The following PPP1R21 variants were observed in gnomAD, a reference collection of about 807,000 sequenced individuals.
The protein encoded by PPP1R21 is KLRAQ motif containing 1.
PPP1R21 carries 85 observed loss-of-function variants against 112.8 expected under a neutral mutation model. The observed-to-expected ratio is 0.75, with a 90% confidence interval of 0.63 to 0.90. The LOEUF (loss-of-function observed/expected upper bound fraction) is 0.90. Among genes scored for constraint, PPP1R21 ranks in the 40% least tolerant of loss-of-function variants. PPP1R21 has a pLI of 0.00. For missense variants in PPP1R21, 1,199 were observed against 901.5 expected (o/e 1.33, Z -4.23); for synonymous variants, 381 against 322.3 (o/e 1.18, Z -1.95).
At chr2:48,501,193 C>T (rs1391266840) in intron 17 of PPP1R21, among the ~76,000 whole-genome samples, 2 of 152,180 alleles carry the variant, frequency 1.3e-5, no homozygotes, top group African/African-American at 4.8e-5. Flanking sequence ...ATTCCAACAT[C>T]CATCCAAATA....
At chr2:48,483,157 G>T (rs992681520) in intron 13 of PPP1R21, among the ~76,000 whole-genome samples, 1 of 143,500 alleles carries the variant, frequency 7.0e-6, no homozygotes, top group Non-Finnish European at 1.5e-5. Context: ...TGACGTATAC[G>T]TACTACATTT....
intron 14 of PPP1R21, among the ~76,000 whole-genome samples, chr2:48,490,413 T>C (rs1411827101): frequency 6.6e-6 from 1 of 152,136 alleles, no homozygotes; most frequent in Non-Finnish European, 1.5e-5. Context: ...ATCACAAATA[T>C]TACCAAATGC....
intron 13 of PPP1R21, among the ~76,000 whole-genome samples, chr2:48,480,973 G>C (rs937862225): frequency 2.0e-5 from 3 of 152,106 alleles, no homozygotes; most frequent in Admixed American, 2.0e-4. Context: ...TCTGTGGCTT[G>C]TATTCAATTA....
At chr2:48,497,603 A>T (rs7575998) in intron 16 of PPP1R21, among the ~76,000 whole-genome samples, 85,265 of 151,876 alleles carry the variant, frequency 0.56, 24,239 homozygotes, top group Middle Eastern at 0.7. Flanking sequence ...ATTAGTTTTA[A>T]ATAAATGGCA....
At chr2:48,511,217 AT>A (rs1450422865) in intron 20 of PPP1R21, 122 bp from the exon 21 acceptor site, 12 of 957,086 alleles carry the variant, frequency 1.3e-5, no homozygotes, top group Non-Finnish European at 1.9e-5. Context: ...ATTTTGAAAT[AT>A]ACAGTAAATT....
chr2:48,496,470 GT>G (rs11305363), intron 16 of PPP1R21, among the ~76,000 whole-genome samples: 108,174 of 136,150 alleles, frequency 0.79, 42,858 homozygotes, highest in Non-Finnish European at 0.83. Context: ...TGGGTTTTGG[GT>G]TTTTTTTTTT....
At chr2:48,455,421 GC>G (rs1667678022) in intron 3 of PPP1R21, among the ~76,000 whole-genome samples, 1 of 150,774 alleles carries the variant, frequency 6.6e-6, no homozygotes, top group East Asian at 2.0e-4. Flanking sequence ...GGGATTACAG[GC>G]CTGAGCCACC....
chr2:48,487,730 T>C (rs1669373180), intron 14 of PPP1R21, among the ~76,000 whole-genome samples: 1 of 147,490 alleles, frequency 6.8e-6, no homozygotes. Context: ...CACTGCACCC[T>C]ATCCTGGGTG....
chr2:48,442,077 C>G (rs149712534), intron 1 of PPP1R21, among the ~76,000 whole-genome samples: 435 of 152,312 alleles, frequency 2.9e-3, no homozygotes, highest in Non-Finnish European at 5.6e-3. Flanking sequence ...ATTAGCAAAA[C>G]TTCGTTGCAT....
At chr2:48,502,265 G>A (rs1270664696) in intron 17 of PPP1R21, among the ~76,000 whole-genome samples, 1 of 152,156 alleles carries the variant, frequency 6.6e-6, no homozygotes. Flanking sequence ...GGGGTGGAAA[G>A]GACCTGATAC....
chr2:48,472,016 G>T (rs1234022675), intron 11 of PPP1R21, among the ~76,000 whole-genome samples: 1 of 151,782 alleles, frequency 6.6e-6, no homozygotes, highest in Non-Finnish European at 1.5e-5. Flanking sequence ...GAGGTGGGTG[G>T]ATCACTTGAA....
chr2:48,495,859 CAA>C, intron 16 of PPP1R21, 88 bp downstream of exon 16: 1 of 736,360 alleles, frequency 1.4e-6, no homozygotes. Flanking sequence ...TAGAATGATT[CAA>C]AAGTCTGCAT....
At chr2:48,485,677 T>C (rs143096750) in intron 13 of PPP1R21, among the ~76,000 whole-genome samples, 2,868 of 151,748 alleles carry the variant, frequency 0.019, 41 homozygotes, top group Middle Eastern at 0.038. Context: ...AGTTAAAACA[T>C]CATGATCACT....
intron 14 of PPP1R21, among the ~76,000 whole-genome samples, chr2:48,489,740 T>C (rs886605139): frequency 1.6e-4 from 25 of 152,052 alleles, no homozygotes; most frequent in African/African-American, 6.0e-4. Context: ...TGAAACCCTG[T>C]CTCTACTAAA....
In PPP1R21 at chr2:48,511,321, C is replaced by T. The variant is rs753789059; in HGVS notation, c.2185-19C>T. ...CGACTCGTGGGATGTTGATTTTTGT[C>T]TTTTTCTTTGCTATTTAGGATGAGC... On this transcript the variant is annotated intron_variant, in intron 20 of 21. Transcript: ENST00000294952. 6 of 1,601,222 alleles carry T rather than the reference C, an allele frequency of 3.7e-6. No homozygotes were observed. Among genetic ancestry groups the T allele is most frequent in the Admixed American group, 1.8e-5 (1 of 56,170 alleles).
intron 15 of PPP1R21, among the ~76,000 whole-genome samples, chr2:48,491,505 T>C (rs989255988): frequency 4.6e-5 from 7 of 150,874 alleles, no homozygotes. Flanking sequence ...AATATGTGTA[T>C]GACTTTTTTC....
intron 7 of PPP1R21, among the ~76,000 whole-genome samples, chr2:48,462,117 A>G (rs563866821): frequency 2.6e-5 from 4 of 152,160 alleles, no homozygotes; most frequent in South Asian, 2.1e-4. Flanking sequence ...CCTTGTCTCA[A>G]TCATTAGGTT....
At chr2:48,476,836 C>T (rs1487841777) in intron 12 of PPP1R21, among the ~76,000 whole-genome samples, 8 of 152,072 alleles carry the variant, frequency 5.3e-5, no homozygotes, top group Non-Finnish European at 1.2e-4. Context: ...ATGTATTATA[C>T]ATACAAGTCA....
intron 13 of PPP1R21, among the ~76,000 whole-genome samples, chr2:48,482,850 T>G (rs1042283959): frequency 1.3e-5 from 2 of 152,048 alleles, no homozygotes; most frequent in African/African-American, 2.4e-5. Context: ...ATGTGTGCCG[T>G]AGTGATTAGC....
Sources: gnomAD v4.1 joint callset for allele counts (sites outside exome capture counted in the v4.1 genomes callset) on GRCh38, gnomAD v4.1.1 for gene constraint, MANE v1.5 for transcripts, NCBI Gene and HGNC (gene_info 2026-07-23, HGNC 2026-07-21) for gene names.